Variants in POTEJ observed in about 807,000 individuals in gnomAD.
The protein encoded by POTEJ is POTE ankyrin domain family, member J.
A neutral mutation model predicts 69.0 loss-of-function variants in POTEJ; 11 were observed. The ratio of observed to expected loss-of-function variants is 0.16; its 90% CI spans 0.10 to 0.26. The LOEUF (loss-of-function observed/expected upper bound fraction) is 0.26. POTEJ is among the 10% of genes least tolerant of loss of function. The probability of loss-of-function intolerance (pLI) is 1.00; values close to 1 mark genes in which losing one functional copy is unlikely to be tolerated. For missense variants in POTEJ, 327 were observed against 1,045.5 expected (o/e 0.31, Z 9.48); for synonymous variants, 117 against 381.1 (o/e 0.31, Z 8.07).
intron 13 of POTEJ, among the ~76,000 whole-genome samples, chr2:130,649,487 G>A (rs1686722783): frequency 6.6e-6 from 1 of 151,496 alleles, no homozygotes; most frequent in Non-Finnish European, 1.5e-5. Flanking sequence ...CAGTTTAGAT[G>A]AGTGTCATAG....
At chr2:130,632,064 A>G (rs1163649043) in intron 8 of POTEJ, among the ~76,000 whole-genome samples, 5 of 145,998 alleles carry the variant, frequency 3.4e-5, no homozygotes, top group Non-Finnish European at 6.0e-5. Context: ...ACAGTGTGTC[A>G]TCCTCTAAAT....
intron 10 of POTEJ, among the ~76,000 whole-genome samples, chr2:130,640,809 G>C (rs1424093692): frequency 6.6e-6 from 1 of 152,204 alleles, no homozygotes; most frequent in East Asian, 1.9e-4. Context: ...CTGAGGAGGG[G>C]GATTGGGATA....
At chr2:130,611,299 T>TG (rs1303951185), upstream of POTEJ, among the ~76,000 whole-genome samples, 9,241 of 41,266 alleles carry the variant, frequency 0.22, 39 homozygotes, top group Non-Finnish European at 0.28. Context: ...GGTGTTTTCT[T>TG]GGGGGGGGGG....
At chr2:130,639,050 A>G (rs1198192520) in intron 10 of POTEJ, among the ~76,000 whole-genome samples, 1 of 152,284 alleles carries the variant, frequency 6.6e-6, no homozygotes, top group Non-Finnish European at 1.5e-5. Flanking sequence ...AACAGGGTTC[A>G]TGCTCCTATG....
chr2:130,632,195 GTGAT>G (rs1685929384), intron 8 of POTEJ, among the ~76,000 whole-genome samples: 2 of 151,048 alleles, frequency 1.3e-5, no homozygotes, highest in Admixed American at 1.3e-4. Context: ...ATTCTGAAGA[GTGAT>G]TGAGAATAAA....
At chr2:130,626,847 CTTTTTTCATTTGTTTTGCTTAATT>C (rs1214223741) in intron 6 of POTEJ, among the ~76,000 whole-genome samples, 2 of 152,148 alleles carry the variant, frequency 1.3e-5, no homozygotes, top group Non-Finnish European at 1.5e-5. Context: ...TGGTGTTATG[CTTTTTTCATTTGTTTTGCTTAATT>C]TTTTTTCATG....
rs1574001865 is a variant in POTEJ at position 130,656,887 on chromosome 2, C to T, written c.2127C>T (p.Gly709=). The change falls in exon 15 of 15, where the codon GGC becomes GGT. Residue 709 remains glycine (G), a synonymous_variant. Coordinates refer to ENST00000409602, the MANE Select transcript of POTEJ (RefSeq NM_001277083.2). ...CCAGGCAGCAGGGCATGATGGGGGGCATGCATCAGAAAGAGTCCTATGTGG... is the reference window on the plus strand; with the variant it reads ...CCAGGCAGCAGGGCATGATGGGGGGTATGCATCAGAAAGAGTCCTATGTGG... ...GCPRQQGMMG[G]MHQKESYVGK... 4.4e-6 allele frequency: 7 copies of T among 1,600,640 alleles called. No homozygotes were observed. Among genetic ancestry groups the T allele is most frequent in the Non-Finnish European group, 6.0e-6 (7 of 1,174,048 alleles).
At chr2:130,655,482 A>G (rs1447981152) in intron 14 of POTEJ, among the ~76,000 whole-genome samples, 1 of 152,384 alleles carries the variant, frequency 6.6e-6, no homozygotes, top group East Asian at 1.9e-4. Context: ...ACTTTTGCAG[A>G]GAGGAACAGT....
At chr2:130,636,447 C>T (rs1430525083) in intron 9 of POTEJ, among the ~76,000 whole-genome samples, 1 of 144,390 alleles carries the variant, frequency 6.9e-6, no homozygotes, top group African/African-American at 2.6e-5. Context: ...TTCTTAGAGT[C>T]TTTGATATAC....
intron 6 of POTEJ, among the ~76,000 whole-genome samples, chr2:130,624,410 G>A (rs539343756): frequency 2.9e-4 from 42 of 144,046 alleles, no homozygotes; most frequent in South Asian, 6.4e-4. Flanking sequence ...GGCAAAGTGA[G>A]ACAGTGACAG....
In POTEJ at chr2:130,630,873, G is replaced by T. The variant is rs76604782; in HGVS notation, c.1087-536G>T. 7.7e-5 allele frequency among the ~76,000 whole-genome samples: 11 copies of T among 143,528 alleles called. No individual in the cohort carries two copies. In the East Asian group the frequency reaches 2.1e-3, roughly 28 times the overall value. The allele number at this position is 143,528 out of a possible 152,430, so 94.2% of individuals were successfully genotyped here. A position where few individuals can be genotyped will look rare whatever the true frequency, so the allele number is the denominator to read the frequency against. ...CAGTATATAATCTCAATTAAAATTG[G>T]AGAATTTGCATCTCTTTCTGTTTGG... On this transcript the variant is annotated intron_variant, in intron 7 of 14. Coordinates refer to ENST00000409602, the MANE Select transcript of POTEJ (RefSeq NM_001277083.2).
chr2:130,648,416 A>G (rs1364841333), intron 13 of POTEJ, among the ~76,000 whole-genome samples: 1 of 140,408 alleles, frequency 7.1e-6, no homozygotes, highest in African/African-American at 2.8e-5. Flanking sequence ...TTGTCCTTAA[A>G]GAACTGTCTA....
At chr2:130,645,633 C>T (rs1267414695) in intron 11 of POTEJ, 104 bp from the exon 12 acceptor site, 3 of 280,206 alleles carry the variant, frequency 1.1e-5, no homozygotes, top group African/African-American at 7.0e-5. Context: ...ATTGTCCATA[C>T]TTGATTACTT....
chr2:130,642,788 A>G (rs1171104840), intron 10 of POTEJ, among the ~76,000 whole-genome samples: 1 of 152,216 alleles, frequency 6.6e-6, no homozygotes, highest in East Asian at 1.9e-4. Context: ...TCATCCTTCT[A>G]TTGTAGGCAA....
chr2:130,626,979 C>G (rs1461522006), intron 6 of POTEJ, among the ~76,000 whole-genome samples: 1 of 152,112 alleles, frequency 6.6e-6, no homozygotes, highest in Non-Finnish European at 1.5e-5. Flanking sequence ...AAAGCAGAGG[C>G]AGAAGAGAGG....
chr2:130,648,145 G>C lies in POTEJ; in HGVS notation c.1667+1835G>C, dbSNP rs1419889499. Reference sequence around the variant, plus strand: ...CTCCTTGAGAGTTTTAGTATTTCTTGGTCTTTATGTATAAGCATGAACAAA... The same window carrying C: ...CTCCTTGAGAGTTTTAGTATTTCTTCGTCTTTATGTATAAGCATGAACAAA... On this transcript the variant is annotated intron_variant, in intron 13 of 14. Transcript: ENST00000409602. Among the ~76,000 whole-genome samples, 101 of 146,704 alleles carry C rather than the reference G, an allele frequency of 6.9e-4. 1 individual carries two copies. Among genetic ancestry groups the C allele is most frequent in the African/African-American group, 2.5e-3 (97 of 39,448 alleles).
rs757857884 is a variant in POTEJ at position 130,657,086 on chromosome 2, A to C, written c.2326A>C (p.Lys776Gln). 2 of 1,579,506 alleles carry C rather than the reference A, an allele frequency of 1.3e-6. No individual in the cohort carries two copies. Among genetic ancestry groups the C allele is most frequent in the South Asian group, 2.2e-5 (2 of 90,682 alleles). Residue 776 changes from lysine to glutamine, a missense_variant, in exon 15 of 15, where the codon AAG (lysine) becomes CAG (glutamine). Transcript: ENST00000409602. The part of the protein sequence containing the change: ...ILLTEAPLNP[K>Q]ANREKMTQIM... Reference sequence around the variant, plus strand: ...GCTGACCGAGGCCCCCCTGAACCCCAAGGCCAACCGCGAGAAGATGACCCA... The same window carrying C: ...GCTGACCGAGGCCCCCCTGAACCCCCAGGCCAACCGCGAGAAGATGACCCA...
At chr2:130,638,431 CT>C (rs1267353377) in intron 9 of POTEJ, among the ~76,000 whole-genome samples, 187 bp from the exon 10 acceptor site, 11 of 150,530 alleles carry the variant, frequency 7.3e-5, no homozygotes, top group East Asian at 3.9e-4. Flanking sequence ...TTTCATCTTA[CT>C]TTTTTTTCTT....
Position 130,624,053 on chromosome 2 carries a change from T to C in POTEJ, c.945-11T>C, listed in dbSNP as rs1159219880. ...AAATAGTAATTTGGTTTATTACATTTTTATACATAGAATTTGCCAGTTACT... is the reference window on the plus strand; with the variant it reads ...AAATAGTAATTTGGTTTATTACATTCTTATACATAGAATTTGCCAGTTACT... On this transcript the variant is annotated splice_polypyrimidine_tract_variant and intron_variant, in intron 5 of 14. Coordinates refer to ENST00000409602, the MANE Select transcript of POTEJ (RefSeq NM_001277083.2). The C allele has an allele frequency of 7.0e-7, 1 of 1,434,580 alleles. No homozygotes were observed. Among genetic ancestry groups the C allele is most frequent in the South Asian group, 1.2e-5 (1 of 80,422 alleles). 88.9% of individuals were successfully genotyped at this position (1,434,580 alleles called of 1,614,324 possible).
Sources: gnomAD v4.1 joint callset for allele counts (sites outside exome capture counted in the v4.1 genomes callset) on GRCh38, gnomAD v4.1.1 for gene constraint, MANE v1.5 for transcripts, NCBI Gene and HGNC (gene_info 2026-07-23, HGNC 2026-07-21) for gene names.